The following SPTBN2 variants were observed in gnomAD, a reference collection of about 807,000 sequenced individuals.
SPTBN2 encodes the protein spectrin beta, non-erythrocytic 2.
Under a neutral mutation model 284.2 loss-of-function variants are expected in SPTBN2, and 107 were observed. That is an observed-to-expected ratio of 0.38 (90% CI 0.32 to 0.44). SPTBN2 has a LOEUF of 0.44. Ranked by LOEUF, SPTBN2 falls within the 20% of genes least tolerant of loss-of-function variation. The pLI is 1.00. For missense variants in SPTBN2, 2,569 were observed against 3,287.1 expected (o/e 0.78, Z 5.34); for synonymous variants, 1,289 against 1,354.8 (o/e 0.95, Z 1.07).
rs993792543 is a variant in SPTBN2, at chr11:66,683,312, C to T, written c.*2559G>A. ...CGATCTCCTGACCTCGTGATCCGCC[C>T]GCCTCGGCCTCCCAAAGTGCTGGGA... is the stretch of plus-strand genomic sequence containing the variant. On this transcript the variant is annotated 3_prime_UTR_variant, in exon 38 of 38. Transcript: ENST00000533211. Among the ~76,000 whole-genome samples the T allele has an allele frequency of 6.6e-6, 1 of 152,066 alleles. No homozygotes were observed. The highest frequency in any genetic ancestry group is 1.5e-5 in the Non-Finnish European group (1 of 68,028).
Position 66,705,370 on chromosome 11 carries a change from G to C in SPTBN2, c.1906C>G (p.Arg636Gly). 6.2e-7 allele frequency: 1 copy of C among 1,612,420 alleles called. No individual in the cohort carries two copies. The change falls in exon 15 of 38, where the codon CGG becomes GGG. Residue 636 changes from arginine (R) to glycine (G), a missense_variant. Transcript: ENST00000533211. Reference sequence around the variant, plus strand: ...CAGAGCCGCCGTGATTCCTCCAGCCGGGCCCGCCGCGCCGCTGCCAACTCG... The same window carrying C: ...CAGAGCCGCCGTGATTCCTCCAGCCCGGCCCGCCGCGCCGCTGCCAACTCG... ...LCELAAARRA[R>G]LEESRRLWRF...
At chr11:66,692,460 A>ACTAGGTC in intron 26 of SPTBN2, 76 bp downstream of exon 26, 1 of 1,551,432 alleles carries the variant, frequency 6.4e-7, no homozygotes, top group Non-Finnish European at 8.8e-7. Context: ...TCTGCCTGGG[A>ACTAGGTC]CTAGGTCCTA....
chr11:66,717,218 G>C (rs892236281), intron 3 of SPTBN2, among the ~76,000 whole-genome samples: 2 of 152,142 alleles, frequency 1.3e-5, no homozygotes, highest in African/African-American at 2.4e-5. Context: ...AGCTACTGAA[G>C]AGGGGAAGTA....
rs143691410 is a variant in SPTBN2 at position 66,715,381 on chromosome 11, C to A, written c.324G>T (p.Lys108Asn). The A allele has an allele frequency of 5.0e-6, 8 of 1,612,798 alleles. No homozygotes were observed. The highest frequency in any genetic ancestry group is 6.8e-6 in the Non-Finnish European group (8 of 1,179,012). The change falls in exon 5 of 38, where the codon AAG becomes AAT. Residue 108 changes from lysine (K) to asparagine (N), a missense_variant. Lys to Asn is a moderately conservative substitution (Grantham distance 94). Transcript: ENST00000533211. The surrounding 1 kb of genome is among the most constrained non-coding windows in gnomAD (Gnocchi z 5.3). ...LSGEILPKPT[K>N]GRMRIHCLEN... is the part of the protein sequence containing the mutation. ...CCAGGCAGTGGATCCGCATGCGGCC[C>A]TTTGTAGGCTTTGGCTGTGGAGGGA...
chr11:66,724,153 G>C (rs1021821135), intron 1 of SPTBN2, among the ~76,000 whole-genome samples: 2 of 152,198 alleles, frequency 1.3e-5, no homozygotes, highest in Non-Finnish European at 2.9e-5. Flanking sequence ...GGGTGCGGAG[G>C]CTCACGCCTG....
exon 1 of SPTBN2, chr11:66,744,652 C>A: frequency 2.4e-6 from 1 of 411,772 alleles, no homozygotes; most frequent in Non-Finnish European, 3.5e-6. Flanking sequence ...GGCGGCGGTT[C>A]GCGGTCTCGG....
In SPTBN2 at chr11:66,742,545, C is replaced by T. The variant is rs1485435600; in HGVS notation, c.-475+1997G>A. ...CAAGGGCTGGAAGCTAGGAAACCAA[C>T]TCATCTTCATTCTCAATGCCATTCT... is the stretch of plus-strand genomic sequence containing the variant. On this transcript the variant is annotated intron_variant, in intron 1 of 37. Coordinates refer to the SPTBN2 transcript ENST00000611817. Among the ~76,000 whole-genome samples the T allele has an allele frequency of 2.0e-5, 3 of 152,194 alleles. No individual in the cohort carries two copies. In the East Asian group the frequency reaches 5.8e-4, roughly 29 times the overall value.
intron 1 of SPTBN2, 28 bp from the exon 2 acceptor site, chr11:66,721,468 A>G: frequency 1.7e-6 from 1 of 602,066 alleles, no homozygotes. Context: ...TCAGAAGCAC[A>G]GAAAGTGAAG....
Position 66,699,031 on chromosome 11 carries a change from G to C in SPTBN2, c.3828C>G (p.Asp1276Glu), listed in dbSNP as rs1198469695. Reference protein sequence around the residue: ...AAQQFLGRLRDNREQQHFLQD... With the variant: ...AAQQFLGRLRENREQQHFLQD... ...GCAGGAAATGCTGCTGCTCCCGGTT[G>C]TCCCGAAGACGGCCCAGAAATTGCT... is the stretch of plus-strand genomic sequence containing the variant. The change falls in exon 19 of 38, where the codon GAC (aspartate) becomes GAG (glutamate). Residue 1276 changes from aspartate to glutamate, a missense_variant. Transcript: ENST00000533211. 7.4e-6 allele frequency: 12 copies of C among 1,614,216 alleles called. No homozygotes were observed. Among genetic ancestry groups the C allele is most frequent in the Non-Finnish European group, 1.0e-5 (12 of 1,180,038 alleles).
upstream of SPTBN2, among the ~76,000 whole-genome samples, chr11:66,733,630 C>T (rs978843185): frequency 6.6e-6 from 1 of 151,988 alleles, no homozygotes; most frequent in Non-Finnish European, 1.5e-5. Flanking sequence ...AAGGGGAGGT[C>T]TGGACTTAAG....
chr11:66,685,796 A>C lies in SPTBN2; in HGVS notation c.*75T>G, dbSNP rs1940065577. The C allele has an allele frequency of 7.1e-7, 1 of 1,418,370 alleles. No homozygotes were observed. The highest frequency in any genetic ancestry group is 1.2e-5 in the South Asian group (1 of 86,294). The allele number at this position is 1,418,370 out of a possible 1,614,324, so 87.9% of individuals were successfully genotyped here. A position where few individuals can be genotyped will look rare whatever the true frequency, so the allele number is the denominator to read the frequency against. On this transcript the variant is annotated 3_prime_UTR_variant, in exon 38 of 38. Transcript: ENST00000533211. The surrounding 1 kb of genome is among the most constrained non-coding windows in gnomAD (Gnocchi z 4.4). The stretch of plus-strand genomic sequence containing the variant: ...AGCAGCAGGCAGTTGTCCTGACAAG[A>C]GGGCGGTCCCTGTCGACTGTCCCTG...
In SPTBN2 at chr11:66,683,045, T is replaced by C. The variant is rs1035197547; in HGVS notation, c.*2826A>G. On this transcript the variant is annotated 3_prime_UTR_variant, in exon 38 of 38. Coordinates refer to ENST00000533211, the MANE Select transcript of SPTBN2 (RefSeq NM_006946.4). ...CTGGGATTATAAGCGTGAACCACCA[T>C]GCCTGGCCAAGTAATCCATTTTTTT... Among the ~76,000 whole-genome samples the C allele has an allele frequency of 2.7e-5, 4 of 147,442 alleles. No individual in the cohort carries two copies. Among genetic ancestry groups the C allele is most frequent in the Non-Finnish European group, 5.9e-5 (4 of 67,264 alleles).
chr11:66,694,237 T>C lies in SPTBN2; in HGVS notation c.4405A>G (p.Lys1469Glu), dbSNP rs772124555. The C allele has an allele frequency of 5.0e-6, 8 of 1,613,938 alleles. No individual in the cohort carries two copies. In the Admixed American group the frequency reaches 1.3e-4, roughly 27 times the overall value. Reference sequence around the variant, plus strand: ...ATGGGCTGGCACAAGGCCCTGAACTTCTCCTCCACGGCCCTCGAGGTTCTC... The same window carrying C: ...ATGGGCTGGCACAAGGCCCTGAACTCCTCCTCCACGGCCCTCGAGGTTCTC... ...VERTSRAVEE[K>E]FRALCQPMRE... Residue 1469 changes from lysine (K) to glutamate (E), a missense_variant, in exon 22 of 38, where the codon AAG (lysine) becomes GAG (glutamate). Physicochemically the swap from Lys to Glu is moderately conservative, Grantham distance 56. Transcript: ENST00000533211.
intron 20 of SPTBN2, among the ~76,000 whole-genome samples, chr11:66,696,992 T>C (rs368350866): frequency 4.6e-5 from 7 of 152,246 alleles, no homozygotes; most frequent in African/African-American, 1.7e-4. Context: ...GAGGGAAGTG[T>C]GCTCTCTTGA....
upstream of SPTBN2, among the ~76,000 whole-genome samples, chr11:66,733,663 T>C (rs897473997): frequency 3.9e-5 from 6 of 152,118 alleles, no homozygotes; most frequent in Non-Finnish European, 7.3e-5. Flanking sequence ...AATACATCAG[T>C]GTAGAAATAG....
At chr11:66,717,264 C>T (rs1448596732) in intron 3 of SPTBN2, among the ~76,000 whole-genome samples, 9 of 152,122 alleles carry the variant, frequency 5.9e-5, no homozygotes, top group Admixed American at 5.2e-4. Flanking sequence ...AAATTAAGAA[C>T]GTTCTAAGTG....
At chr11:66,704,215 G>A (rs560805684) in intron 15 of SPTBN2, among the ~76,000 whole-genome samples, 4 of 151,812 alleles carry the variant, frequency 2.6e-5, no homozygotes, top group African/African-American at 7.2e-5. Flanking sequence ...CTCGTGATCC[G>A]CCTGCCTCGG....
intron 15 of SPTBN2, among the ~76,000 whole-genome samples, chr11:66,702,969 A>C (rs932456651): frequency 1.3e-5 from 2 of 151,646 alleles, no homozygotes; most frequent in Non-Finnish European, 2.9e-5. Context: ...AACCAAAAAA[A>C]ACTTTATTTA....
intron 1 of SPTBN2, among the ~76,000 whole-genome samples, chr11:66,724,424 A>G (rs1222480217): frequency 6.8e-6 from 1 of 147,532 alleles, no homozygotes; most frequent in Non-Finnish European, 1.5e-5. Context: ...TTTGTCTCAG[A>G]AAAAAAAAAA....
Sources: gnomAD v4.1 joint callset for allele counts (sites outside exome capture counted in the v4.1 genomes callset) on GRCh38, gnomAD v4.1.1 for gene constraint, Gnocchi (gnomAD v3.1) non-coding constraint, MANE v1.5 for transcripts, NCBI Gene and HGNC (gene_info 2026-07-23, HGNC 2026-07-21) for gene names.